Variants in PDE4D observed in about 807,000 individuals in gnomAD.
PDE4D encodes the protein phosphodiesterase 4D.
Under a neutral mutation model 87.4 loss-of-function variants are expected in PDE4D, and 24 were observed. The observed-to-expected ratio is 0.27, with a 90% CI of 0.20 to 0.39. PDE4D has a LOEUF of 0.39. Among genes scored for constraint, PDE4D ranks in the 10% least tolerant of loss-of-function variants. The pLI, the probability that PDE4D is intolerant of heterozygous loss-of-function variation, is 1.00. For missense variants in PDE4D, 714 were observed against 1,041.0 expected, an observed-to-expected ratio of 0.69 and a Z score of 4.32; for synonymous variants, 384 against 383.2, an observed-to-expected ratio of 1.00 and a Z score of -0.02.
intron 1 of PDE4D, among the ~76,000 whole-genome samples, chr5:59,771,035 G>A (rs1763381792): frequency 6.6e-6 from 1 of 152,036 alleles, no homozygotes; most frequent in Non-Finnish European, 1.5e-5. Flanking sequence ...AGGAGGCTGA[G>A]ATGGGAGGAT....
chr5:60,197,667 T>C (rs1057299548), intron 1 of PDE4D, among the ~76,000 whole-genome samples: 6 of 151,608 alleles, frequency 4.0e-5, no homozygotes, highest in African/African-American at 1.5e-4. Context: ...CTATCATTTC[T>C]CCCTAATTAA....
chr5:59,692,230 G>C lies in PDE4D; in HGVS notation c.455+200938C>G, dbSNP rs80002479. Among the ~76,000 whole-genome samples, 7 of 152,238 alleles carry C rather than the reference G, an allele frequency of 4.6e-5. No homozygotes were observed. The South Asian group carries it at 1.4e-3, about 32-fold the overall frequency. On this transcript the variant is annotated intron_variant, in intron 1 of 14. Coordinates refer to ENST00000340635, the MANE Select transcript of PDE4D (RefSeq NM_001104631.2). The stretch of plus-strand genomic sequence containing the variant: ...GACTTGAGAACCTAGGTATTTTACA[G>C]AGTTTTAAAGAGAGAGCTCTTGGTC...
At position 59,437,659 on chromosome 5, in the gene PDE4D, G is replaced by C. The variant is rs73758692; in HGVS notation, c.456-221691C>G. Among the ~76,000 whole-genome samples, 1,093 of 151,552 alleles carry C rather than the reference G, an allele frequency of 7.2e-3. 14 individuals carry two copies. The highest frequency in any genetic ancestry group is 0.024 in the African/African-American group (998 of 41,298). On this transcript the variant is annotated intron_variant, in intron 1 of 14. Transcript: ENST00000340635. ...CAGCCAGCCAGCATTAATTGAGCATGTACTATGTATACACACAAGAAGTAG... is the reference window on the plus strand; with the variant it reads ...CAGCCAGCCAGCATTAATTGAGCATCTACTATGTATACACACAAGAAGTAG...
chr5:59,202,081 C>T (rs1014412626), intron 2 of PDE4D, among the ~76,000 whole-genome samples: 5 of 135,920 alleles, frequency 3.7e-5, no homozygotes, highest in Non-Finnish European at 7.6e-5. Flanking sequence ...CTCTGTCGCC[C>T]AGGCTGGAAT....
chr5:59,813,343 G>GTA (rs1274058428), intron 1 of PDE4D, among the ~76,000 whole-genome samples: 1 of 152,002 alleles, frequency 6.6e-6, no homozygotes, highest in Non-Finnish European at 1.5e-5. Context: ...AGGCATATGT[G>GTA]TATATATACT....
intron 2 of PDE4D, among the ~76,000 whole-genome samples, chr5:60,119,356 A>G (rs1199596460): frequency 6.6e-6 from 1 of 152,218 alleles, no homozygotes; most frequent in Non-Finnish European, 1.5e-5. Context: ...GTAACTGTAA[A>G]CCAAATATGA....
At chr5:59,691,666 A>G (rs2150407123) in intron 1 of PDE4D, among the ~76,000 whole-genome samples, 1 of 151,970 alleles carries the variant, frequency 6.6e-6, no homozygotes, top group Non-Finnish European at 1.5e-5. Flanking sequence ...ACATGTATAC[A>G]TATGTAACGA....
intron 1 of PDE4D, among the ~76,000 whole-genome samples, chr5:59,594,936 G>T (rs1276729192): frequency 6.6e-6 from 1 of 152,096 alleles, no homozygotes; most frequent in Non-Finnish European, 1.5e-5. Context: ...TACCACTTTT[G>T]TGGGGGGGAT....
intron 1 of PDE4D, among the ~76,000 whole-genome samples, chr5:59,487,742 CTG>C (rs1317717657): frequency 6.6e-6 from 1 of 152,200 alleles, no homozygotes; most frequent in Non-Finnish European, 1.5e-5. Flanking sequence ...GAATTTGACT[CTG>C]AGTTTCAAAG....
intron 1 of PDE4D, among the ~76,000 whole-genome samples, chr5:59,716,756 G>T (rs1458470609): frequency 6.6e-6 from 1 of 152,070 alleles, no homozygotes; most frequent in Non-Finnish European, 1.5e-5. Flanking sequence ...CGTCTTCATT[G>T]GTATGTTCCA....
rs955248598 is a variant in PDE4D at position 59,766,621 on chromosome 5, G to A, written c.455+126547C>T. Among the ~76,000 whole-genome samples the A allele has an allele frequency of 3.9e-5, 6 of 152,214 alleles. No homozygotes were observed. In the South Asian group the frequency reaches 6.2e-4, roughly 16 times the overall value. On this transcript the variant is annotated intron_variant, in intron 1 of 14. Transcript: ENST00000340635. ...TTAGGAACTGCAGTGATAAAGCAGC[G>A]CAACCAAAAGGGACACTGGACACGG... is the stretch of plus-strand genomic sequence containing the variant.
chr5:59,673,611 G>C (rs1747582281), intron 1 of PDE4D, among the ~76,000 whole-genome samples: 1 of 152,146 alleles, frequency 6.6e-6, no homozygotes, highest in South Asian at 2.1e-4. Context: ...TTCCTGAGCA[G>C]CTTCATTCTA....
chr5:59,173,851 C>G (rs752732693), intron 5 of PDE4D, among the ~76,000 whole-genome samples: 22 of 152,158 alleles, frequency 1.4e-4, no homozygotes, highest in Non-Finnish European at 2.6e-4. Flanking sequence ...TGAGGACTTA[C>G]ATATTTCTCT....
chr5:59,025,461 T>C (rs1044301112), intron 6 of PDE4D, among the ~76,000 whole-genome samples: 1 of 152,250 alleles, frequency 6.6e-6, no homozygotes, highest in Non-Finnish European at 1.5e-5. Flanking sequence ...TTTGTAATTC[T>C]TTTAAAAGAC....
intron 1 of PDE4D, among the ~76,000 whole-genome samples, chr5:59,720,116 TTG>T (rs939599156): frequency 4.6e-5 from 7 of 152,208 alleles, no homozygotes; most frequent in Non-Finnish European, 7.3e-5. Flanking sequence ...GTGTGTATGT[TTG>T]TGTGTGTTTT....
At chr5:59,907,071 A>G (rs1272019191) in intron 3 of PDE4D, among the ~76,000 whole-genome samples, 1 of 152,172 alleles carries the variant, frequency 6.6e-6, no homozygotes, top group African/African-American at 2.4e-5. Context: ...AGATAATGTC[A>G]CTGGCGGGAA....
intron 1 of PDE4D, among the ~76,000 whole-genome samples, chr5:60,298,460 C>T (rs191068015): frequency 6.6e-6 from 1 of 152,274 alleles, no homozygotes; most frequent in East Asian, 1.9e-4. Context: ...AAATTACACA[C>T]AGAGAATATT....
At chr5:59,415,401 G>A (rs1793427805) in intron 1 of PDE4D, among the ~76,000 whole-genome samples, 1 of 152,220 alleles carries the variant, frequency 6.6e-6, no homozygotes, top group South Asian at 2.1e-4. Context: ...GGCAGACTCT[G>A]AGTTCAAACC....
intron 5 of PDE4D, among the ~76,000 whole-genome samples, chr5:59,154,202 C>T (rs1779845053): frequency 1.3e-5 from 2 of 152,154 alleles, no homozygotes; most frequent in African/African-American, 4.8e-5. Context: ...AATTTGCTGG[C>T]ATCATGGAAG....
Sources: gnomAD v4.1 joint callset for allele counts (sites outside exome capture counted in the v4.1 genomes callset) on GRCh38, gnomAD v4.1.1 for gene constraint, MANE v1.5 for transcripts, NCBI Gene and HGNC (gene_info 2026-07-23, HGNC 2026-07-21) for gene names.